HEMK2: variants seen among roughly 807,000 people sequenced by gnomAD.
HEMK2 encodes HemK methyltransferase 2, ETF1 glutamine and histone H4 lysine, also known as methyltransferase HEMK2.
chr21:28,829,702 A>T, the HEMK2 span, among the ~76,000 whole-genome samples: 10 of 152,358 alleles, frequency 6.6e-5, no homozygotes, highest in African/African-American at 1.9e-4. Flanking sequence ...ATGGATTTTA[A>T]GACATCTGAG....
chr21:28,627,035 C>G, the HEMK2 span, among the ~76,000 whole-genome samples: 4 of 152,098 alleles, frequency 2.6e-5, no homozygotes, highest in African/African-American at 9.7e-5. Flanking sequence ...CATATTCACT[C>G]AATAAAATAC....
chr21:28,723,693 GC>G, the HEMK2 span, among the ~76,000 whole-genome samples: 1 of 152,170 alleles, frequency 6.6e-6, no homozygotes, highest in Admixed American at 6.5e-5. Flanking sequence ...AATCATCCCC[GC>G]CTCATGGGAC....
the HEMK2 span, among the ~76,000 whole-genome samples, chr21:28,712,105 A>C: frequency 3.9e-5 from 6 of 152,278 alleles, no homozygotes; most frequent in South Asian, 1.2e-3. Context: ...AGCAGAGGAC[A>C]ATCTCCCCAG....
chr21:28,779,009 T>C, the HEMK2 span, among the ~76,000 whole-genome samples: 4 of 152,296 alleles, frequency 2.6e-5, no homozygotes, highest in African/African-American at 7.2e-5. Context: ...AGGGAAGCCA[T>C]AGGACAAGGA....
At chr21:28,587,403 T>C in the HEMK2 span, among the ~76,000 whole-genome samples, 6 of 152,308 alleles carry the variant, frequency 3.9e-5, no homozygotes, top group South Asian at 1.2e-3. Flanking sequence ...AATTGGTTGG[T>C]TTTTAAACAA....
At chr21:28,773,089 G>T in the HEMK2 span, among the ~76,000 whole-genome samples, 1 of 152,132 alleles carries the variant, frequency 6.6e-6, no homozygotes, top group Non-Finnish European at 1.5e-5. Context: ...CAATCTCTTA[G>T]AACAGGTAGC....
At chr21:28,736,093 G>C in the HEMK2 span, among the ~76,000 whole-genome samples, 7 of 152,134 alleles carry the variant, frequency 4.6e-5, no homozygotes, top group African/African-American at 1.4e-4. Flanking sequence ...ACAAGGAAGG[G>C]GTATAGATCG....
the HEMK2 span, among the ~76,000 whole-genome samples, chr21:28,739,849 C>T: frequency 4.3e-4 from 65 of 152,270 alleles, 1 homozygote; most frequent in African/African-American, 1.5e-3. Context: ...AGGTTAAATA[C>T]ACAGTGAAAA....
chr21:28,589,372 AT>A, the HEMK2 span, among the ~76,000 whole-genome samples: 1 of 152,198 alleles, frequency 6.6e-6, no homozygotes, highest in South Asian at 2.1e-4. Context: ...ATATAACTAT[AT>A]TATAAATATA....
At chr21:28,632,982 T>C in the HEMK2 span, among the ~76,000 whole-genome samples, 2 of 152,212 alleles carry the variant, frequency 1.3e-5, no homozygotes, top group East Asian at 1.9e-4. Flanking sequence ...GTCAGAGTCC[T>C]ATTTCCTCCC....
At chr21:28,885,224 G>A in the HEMK2 span, 1 of 1,578,276 alleles carries the variant, frequency 6.3e-7, no homozygotes, top group Non-Finnish European at 8.7e-7. Context: ...TGCCAGTTCG[G>A]CAGCCGCTGC....
At chr21:28,597,896 T>C in the HEMK2 span, among the ~76,000 whole-genome samples, 126 of 152,108 alleles carry the variant, frequency 8.3e-4, no homozygotes, top group Admixed American at 2.1e-3. Flanking sequence ...ATAAAGATAA[T>C]TTGATGTTAA....
the HEMK2 span, among the ~76,000 whole-genome samples, chr21:28,831,458 A>AAAGAAAGAAAGAAAAGAAC: frequency 1.6e-4 from 6 of 37,546 alleles, no homozygotes; most frequent in East Asian, 2.2e-3. Context: ...AAGAAAGAAA[A>AAAGAAAGAAAGAAAAGAAC]GAACGAAAGA....
the HEMK2 span, chr21:28,882,025 T>A: frequency 7.5e-6 from 4 of 533,714 alleles, no homozygotes; most frequent in Non-Finnish European, 1.2e-5. Context: ...GTGGATTACA[T>A]CAACAAAGAA....
At chr21:28,859,777 C>G in the HEMK2 span, among the ~76,000 whole-genome samples, 9 of 152,144 alleles carry the variant, frequency 5.9e-5, no homozygotes, top group African/African-American at 1.9e-4. Flanking sequence ...GTGGAAACCT[C>G]AGGCTCACAT....
chr21:28,751,100 G>A, the HEMK2 span, among the ~76,000 whole-genome samples: 11 of 151,632 alleles, frequency 7.3e-5, no homozygotes, highest in South Asian at 4.2e-4. Context: ...GCGTGGTGGC[G>A]AGCACCTGTA....
chr21:28,779,322 G>A, the HEMK2 span, among the ~76,000 whole-genome samples: 1 of 152,196 alleles, frequency 6.6e-6, no homozygotes, highest in African/African-American at 2.4e-5. Context: ...TGAGAACACA[G>A]ATGAATGTGG....
the HEMK2 span, among the ~76,000 whole-genome samples, chr21:28,862,496 T>A: frequency 4.5e-4 from 65 of 143,814 alleles, 15 homozygotes; most frequent in African/African-American, 1.5e-3. Context: ...AAAATTAGCC[T>A]GGCGCGGTGG....
At chr21:28,754,950 G>A in the HEMK2 span, among the ~76,000 whole-genome samples, 63 of 152,306 alleles carry the variant, frequency 4.1e-4, 1 homozygote, top group Non-Finnish European at 7.8e-4. Flanking sequence ...GACAAGGGAG[G>A]AATTAATTTT....
Sources: allele counts gnomAD v4.1 joint callset (sites outside exome capture counted in the v4.1 genomes callset), GRCh38; gene constraint gnomAD v4.1.1; transcripts MANE v1.5; gene names NCBI Gene and HGNC (gene_info 2026-07-23, HGNC 2026-07-21).